Variants in DYNC1LI1 observed in about 807,000 individuals in gnomAD.
DYNC1LI1 encodes the protein cytoplasmic dynein 1 light intermediate chain 1.
In DYNC1LI1, 19 loss-of-function variants were observed where a neutral mutation model predicts 63.8. The observed-to-expected ratio is 0.30, with a 90% confidence interval of 0.21 to 0.44. The LOEUF is 0.44. Ranked by LOEUF, DYNC1LI1 falls within the 20% of genes least tolerant of loss-of-function variation. The probability of loss-of-function intolerance (pLI) is 1.00; values close to 1 mark genes in which losing one functional copy is unlikely to be tolerated. For synonymous variants in DYNC1LI1, 225 were observed against 232.3 expected, an observed-to-expected ratio of 0.97 and a Z score of 0.28; for missense variants, 565 against 630.2, an observed-to-expected ratio of 0.90 and a Z score of 1.11.
At chr3:32,568,356 C>T (rs529371051) in intron 2 of DYNC1LI1, among the ~76,000 whole-genome samples, 1 of 152,148 alleles carries the variant, frequency 6.6e-6, no homozygotes, top group African/African-American at 2.4e-5. Flanking sequence ...AGAAAGTTAA[C>T]TCTATTTTTG....
At chr3:32,568,651 T>A (rs1474558263) in intron 2 of DYNC1LI1, among the ~76,000 whole-genome samples, 1 of 151,992 alleles carries the variant, frequency 6.6e-6, no homozygotes, top group Non-Finnish European at 1.5e-5. Context: ...AAATTAGGTA[T>A]ACCAAAAAAT....
intron 6 of DYNC1LI1, among the ~76,000 whole-genome samples, chr3:32,535,869 G>T (rs577461195): frequency 6.6e-6 from 1 of 152,116 alleles, no homozygotes; most frequent in Admixed American, 6.6e-5. Context: ...TTACATTTCT[G>T]TACTTACATT....
chr3:32,546,429 A>G (rs1333020072), intron 2 of DYNC1LI1, among the ~76,000 whole-genome samples: 1 of 152,146 alleles, frequency 6.6e-6, no homozygotes, highest in Non-Finnish European at 1.5e-5. Context: ...AAGATAAAAA[A>G]GATGCAGACT....
chr3:32,541,956 A>C (rs1325305240), intron 4 of DYNC1LI1, among the ~76,000 whole-genome samples: 1 of 152,232 alleles, frequency 6.6e-6, no homozygotes, highest in Non-Finnish European at 1.5e-5. Flanking sequence ...ATAGGATTAA[A>C]ATAGTATATG....
intron 2 of DYNC1LI1, among the ~76,000 whole-genome samples, chr3:32,561,359 T>C (rs1054447294): frequency 6.6e-6 from 1 of 152,076 alleles, no homozygotes; most frequent in African/African-American, 2.4e-5. Context: ...CCAGGCGTGG[T>C]GGCTCACACC....
chr3:32,564,724 T>G (rs1698236727), intron 2 of DYNC1LI1, among the ~76,000 whole-genome samples: 1 of 152,234 alleles, frequency 6.6e-6, no homozygotes, highest in Non-Finnish European at 1.5e-5. Context: ...GTCTATTCCT[T>G]GCATCATATT....
chr3:32,558,991 A>G (rs1698153147), intron 2 of DYNC1LI1, among the ~76,000 whole-genome samples: 1 of 152,020 alleles, frequency 6.6e-6, no homozygotes, highest in Non-Finnish European at 1.5e-5. Context: ...AATCGAGGAG[A>G]GTAAGATCAG....
rs755839080 is a variant in DYNC1LI1 at position 32,548,401 on chromosome 3, G to A, written c.221-2436C>T. ...TTTCATCCTGAAACGTCCCCACCCA[G>A]TCCATGGAAAAACTGTCTTCCATGA... On this transcript the variant is annotated intron_variant, in intron 2 of 12. Transcript: ENST00000273130. 3.9e-5 allele frequency among the ~76,000 whole-genome samples: 6 copies of A among 152,272 alleles called. No homozygotes were observed. The South Asian group carries it at 1.0e-3, about 26-fold the overall frequency.
rs78983427 is a variant in DYNC1LI1, at chr3:32,546,824, A to C, written c.221-859T>G. 3.6e-4 allele frequency among the ~76,000 whole-genome samples: 55 copies of C among 152,316 alleles called. No homozygotes were observed. The East Asian group carries it at 0.011, about 29-fold the overall frequency. On this transcript the variant is annotated intron_variant, in intron 2 of 12. Coordinates refer to ENST00000273130, the MANE Select transcript of DYNC1LI1 (RefSeq NM_016141.4). Reference sequence around the variant, plus strand: ...AGATGGTGAGAAAATGGGGATAACAAGTTGGGCAAGAAAAAGTGTAGGGGG... The same window carrying C: ...AGATGGTGAGAAAATGGGGATAACACGTTGGGCAAGAAAAAGTGTAGGGGG...
In DYNC1LI1 at chr3:32,532,485, G is replaced by GTATATATATATATATATATATA. The variant is rs1292389896; in HGVS notation, c.1080+500_1080+501insTATATATATATATATATATATA. The GTATATATATATATATATATATA allele has an allele frequency of 2.1e-3, 252 of 122,224 alleles. 8 individuals carry two copies. The highest frequency in any genetic ancestry group is 0.018 in the East Asian group (69 of 3,796). 7.6% of individuals were successfully genotyped at this position (122,224 alleles called of 1,614,324 possible). ...CATCTCAAAAAAAAAAAAAAAATGTGTGTATATATATATATATATATAAAA... is the reference window on the plus strand; with the variant it reads ...CATCTCAAAAAAAAAAAAAAAATGTGTATATATATATATATATATATATGTATATATATATATATATATAAAA... On this transcript the variant is annotated intron_variant, in intron 8 of 12. Transcript: ENST00000273130.
At chr3:32,547,866 ACTC>A (rs1365359341) in intron 2 of DYNC1LI1, among the ~76,000 whole-genome samples, 4 of 152,048 alleles carry the variant, frequency 2.6e-5, no homozygotes, top group Non-Finnish European at 5.9e-5. Flanking sequence ...TTGTCCATCA[ACTC>A]CATCAACAAA....
intron 2 of DYNC1LI1, among the ~76,000 whole-genome samples, chr3:32,555,227 T>C: frequency 6.6e-6 from 1 of 152,238 alleles, no homozygotes; most frequent in Non-Finnish European, 1.5e-5. Flanking sequence ...ATTTCTTCTT[T>C]TCATACATCT....
At chr3:32,544,811 A>C (rs986869145) in intron 4 of DYNC1LI1, 65 bp downstream of exon 4, 22 of 1,171,084 alleles carry the variant, frequency 1.9e-5, no homozygotes, top group Middle Eastern at 1.9e-4. Flanking sequence ...AAAAATTCCT[A>C]ATGATTAAAG....
chr3:32,536,719 A>G (rs1480154342), intron 6 of DYNC1LI1, among the ~76,000 whole-genome samples: 1 of 152,184 alleles, frequency 6.6e-6, no homozygotes, highest in East Asian at 1.9e-4. Context: ...TTAATCAGAT[A>G]TGTTCATAAC....
intron 2 of DYNC1LI1, 73 bp from the exon 3 acceptor site, chr3:32,546,038 G>C: frequency 9.7e-7 from 1 of 1,030,242 alleles, no homozygotes; most frequent in Non-Finnish European, 1.4e-6. Flanking sequence ...CTAGTACCAA[G>C]TGAAAAACCC....
chr3:32,552,159 T>C (rs946525582), intron 2 of DYNC1LI1, among the ~76,000 whole-genome samples: 1 of 152,176 alleles, frequency 6.6e-6, no homozygotes, highest in African/African-American at 2.4e-5. Flanking sequence ...ACAAAGTTCC[T>C]TCAGATATCT....
At chr3:32,568,128 G>A (rs1018907028) in intron 2 of DYNC1LI1, among the ~76,000 whole-genome samples, 12 of 152,132 alleles carry the variant, frequency 7.9e-5, no homozygotes, top group Admixed American at 1.3e-4. Context: ...GGGCCACTGT[G>A]CCTGGCCTTA....
intron 7 of DYNC1LI1, 72 bp downstream of exon 7, chr3:32,534,439 C>A: frequency 2.5e-6 from 3 of 1,177,528 alleles, no homozygotes; most frequent in Non-Finnish European, 3.6e-6. Context: ...CATCTCAAAA[C>A]TGAAATAATG....
intron 2 of DYNC1LI1, among the ~76,000 whole-genome samples, chr3:32,569,477 C>T (rs1324185165): frequency 6.6e-6 from 1 of 152,168 alleles, no homozygotes; most frequent in Admixed American, 6.5e-5. Flanking sequence ...CAACAAAAAA[C>T]TCTGGTATTG....
Sources: allele counts gnomAD v4.1 joint callset (sites outside exome capture counted in the v4.1 genomes callset), GRCh38; gene constraint gnomAD v4.1.1; transcripts MANE v1.5; gene names NCBI Gene and HGNC (gene_info 2026-07-23, HGNC 2026-07-21).